Variants in TMEM164 observed in about 807,000 individuals in gnomAD.
TMEM164 encodes the protein transmembrane protein 164.
In TMEM164, 4 loss-of-function variants were observed where a neutral mutation model predicts 18.8. That is an observed-to-expected ratio of 0.21 (90% CI 0.10 to 0.49). TMEM164 has a LOEUF of 0.49. Among genes scored for constraint, TMEM164 ranks in the 20% least tolerant of loss-of-function variants. TMEM164 has a pLI of 0.98. For synonymous variants in TMEM164, 86 were observed against 101.7 expected (o/e 0.85, Z 0.93); for missense variants, 108 against 239.9 (o/e 0.45, Z 3.63).
intron 2 of TMEM164, among the ~76,000 whole-genome samples, chrX:110,030,027 A>G (rs1934382039): frequency 9.1e-6 from 1 of 109,994 alleles, no homozygotes; most frequent in Non-Finnish European, 1.9e-5. Context: ...GAAATATAGA[A>G]AACAAAAGTG....
intron 4 of TMEM164, among the ~76,000 whole-genome samples, chrX:110,132,033 G>C (rs773308652): frequency 9.0e-6 from 1 of 111,586 alleles, no homozygotes; most frequent in East Asian, 2.8e-4. Flanking sequence ...GCAGCCTGAA[G>C]TATGGAACAG....
intron 2 of TMEM164, among the ~76,000 whole-genome samples, chrX:110,053,306 C>T (rs1175742503): frequency 1.8e-5 from 2 of 111,393 alleles, no homozygotes; most frequent in East Asian, 5.6e-4. Flanking sequence ...CTTTGCTAGC[C>T]AGACTGTGAG....
chrX:110,017,647 G>A (rs1473895677), intron 2 of TMEM164, among the ~76,000 whole-genome samples: 7 of 98,525 alleles, frequency 7.1e-5, no homozygotes, highest in Non-Finnish European at 1.4e-4. Context: ...TTGGCTCACC[G>A]CAATCTCCGC....
chrX:110,053,124 G>A (rs752826649), intron 2 of TMEM164, among the ~76,000 whole-genome samples: 2 of 111,531 alleles, frequency 1.8e-5, no homozygotes, highest in Non-Finnish European at 3.8e-5. Flanking sequence ...GGTGTGGATG[G>A]GAGATTTGCA....
At chrX:110,060,723 C>T (rs925066640) in intron 2 of TMEM164, among the ~76,000 whole-genome samples, 1 of 111,444 alleles carries the variant, frequency 9.0e-6, no homozygotes, top group South Asian at 3.8e-4. Flanking sequence ...GTGGTAGTTC[C>T]TTAGTCTTTG....
chrX:110,123,001 A>T (rs1281866890), intron 4 of TMEM164, among the ~76,000 whole-genome samples: 1 of 112,356 alleles, frequency 8.9e-6, no homozygotes, highest in Non-Finnish European at 1.9e-5. Context: ...GTCCAAGATC[A>T]TGAAGATATA....
intron 2 of TMEM164, among the ~76,000 whole-genome samples, chrX:110,063,485 G>A (rs142314613): frequency 7.2e-5 from 8 of 111,350 alleles, no homozygotes; most frequent in Admixed American, 5.7e-4. Flanking sequence ...TGAGAGGTTC[G>A]GTAGAGAAGG....
At chrX:110,113,318 G>T (rs2066317682) in intron 4 of TMEM164, among the ~76,000 whole-genome samples, 1 of 111,747 alleles carries the variant, frequency 8.9e-6, no homozygotes, top group Admixed American at 9.5e-5. Flanking sequence ...TTTGCAATTG[G>T]TTTAGGTCTG....
intron 3 of TMEM164, among the ~76,000 whole-genome samples, chrX:110,085,027 C>T (rs1321467310): frequency 1.8e-5 from 2 of 110,727 alleles, no homozygotes; most frequent in Non-Finnish European, 3.8e-5. Flanking sequence ...TTCTTTCATT[C>T]TATTGAGGAT....
At chrX:110,095,404 C>A (rs1042706731) in intron 3 of TMEM164, among the ~76,000 whole-genome samples, 2 of 111,638 alleles carry the variant, frequency 1.8e-5, no homozygotes, top group South Asian at 3.7e-4. Flanking sequence ...CTCTAAACTT[C>A]TCTTCTCATT....
At chrX:110,010,177 T>C (rs1422338072) in intron 2 of TMEM164, among the ~76,000 whole-genome samples, 1 of 112,287 alleles carries the variant, frequency 8.9e-6, no homozygotes, top group African/African-American at 3.2e-5. Flanking sequence ...CTGTTGGATC[T>C]TGATCTTAAT....
chrX:110,146,505 C>A lies in TMEM164; in HGVS notation c.586+1629C>A, dbSNP rs140945017. Among the ~76,000 whole-genome samples, 967 of 112,013 alleles carry A rather than the reference C, an allele frequency of 8.6e-3. 14 individuals carry two copies. The highest frequency in any genetic ancestry group is 0.03 in the African/African-American group (919 of 30,762). Reference sequence around the variant, plus strand: ...AGTGGCGAGGTGAGAGATAGTAGGGCTGTAATGAGAGACAGTATGCTCTGT... The same window carrying A: ...AGTGGCGAGGTGAGAGATAGTAGGGATGTAATGAGAGACAGTATGCTCTGT... On this transcript the variant is annotated intron_variant, in intron 5 of 6. Transcript: ENST00000372068.
intron 3 of TMEM164, among the ~76,000 whole-genome samples, chrX:110,087,986 C>A (rs1454544682): frequency 1.8e-5 from 2 of 111,906 alleles, no homozygotes; most frequent in African/African-American, 6.5e-5. Flanking sequence ...GCATGAGGAA[C>A]TGGGGCAGCC....
intron 2 of TMEM164, among the ~76,000 whole-genome samples, chrX:110,014,145 G>T (rs1933170862): frequency 9.0e-6 from 1 of 110,931 alleles, no homozygotes; most frequent in Non-Finnish European, 1.9e-5. Context: ...ACATTTAAAT[G>T]ATGATGATGA....
chrX:110,021,854 G>A (rs1304999957), intron 2 of TMEM164, among the ~76,000 whole-genome samples: 1 of 112,046 alleles, frequency 8.9e-6, no homozygotes, highest in African/African-American at 3.3e-5. Context: ...CTGGCTCAGA[G>A]AATAGTCTGG....
At chrX:110,027,932 A>T (rs1258829100) in intron 2 of TMEM164, among the ~76,000 whole-genome samples, 1 of 111,680 alleles carries the variant, frequency 9.0e-6, no homozygotes. Context: ...AAGCTTTGGA[A>T]AAGTTTGCAT....
intron 4 of TMEM164, among the ~76,000 whole-genome samples, chrX:110,131,052 A>G (rs2066605411): frequency 1.8e-5 from 2 of 112,132 alleles, no homozygotes; most frequent in South Asian, 3.7e-4. Context: ...TGATTTAGGG[A>G]TTTATGAACC....
intron 2 of TMEM164, among the ~76,000 whole-genome samples, chrX:110,062,761 T>C (rs1467043776): frequency 1.8e-5 from 2 of 111,827 alleles, no homozygotes; most frequent in African/African-American, 6.5e-5. Flanking sequence ...CGCAAGGCTG[T>C]CATGCTGGAG....
chrX:110,085,656 A>G (rs188856613), intron 3 of TMEM164, among the ~76,000 whole-genome samples: 16 of 110,637 alleles, frequency 1.4e-4, no homozygotes, highest in Non-Finnish European at 2.5e-4. Flanking sequence ...TCTGTCAGCT[A>G]CTCATCTAGT....
Sources: allele counts gnomAD v4.1 joint callset (sites outside exome capture counted in the v4.1 genomes callset), GRCh38; gene constraint gnomAD v4.1.1; transcripts MANE v1.5; gene names NCBI Gene and HGNC (gene_info 2026-07-23, HGNC 2026-07-21).